Variants in SSR2 observed in about 807,000 individuals in gnomAD.
SSR2 encodes the protein translocon-associated protein subunit beta.
SSR2 carries 16 observed loss-of-function variants against 22.6 expected under a neutral mutation model. The observed-to-expected ratio is 0.71, with a 90% CI of 0.48 to 1.08. The LOEUF (loss-of-function observed/expected upper bound fraction) is 1.08, where lower values mean the gene tolerates loss of function less well. SSR2 is among the 50% of genes least tolerant of loss of function. The pLI, the probability that SSR2 is intolerant of heterozygous loss-of-function variation, is 0.00. For missense variants in SSR2, 171 were observed against 221.6 expected, an observed-to-expected ratio of 0.77 and a Z score of 1.45; for synonymous variants, 83 against 91.2, an observed-to-expected ratio of 0.91 and a Z score of 0.51.
intron 1 of SSR2, 92 bp from the exon 2 acceptor site, chr1:156,020,259 A>G (rs1220735886): frequency 2.2e-6 from 3 of 1,392,256 alleles, no homozygotes; most frequent in Non-Finnish European, 3.0e-6. Flanking sequence ...AGCTCCTTCG[A>G]TGCTACCAGA....
Position 156,018,505 on chromosome 1 carries a change from C to T in SSR2, c.156-137G>A, listed in dbSNP as rs1056290562. The T allele has an allele frequency of 1.9e-5, 10 of 522,894 alleles. No homozygotes were observed. The East Asian group carries it at 2.3e-4, about 12-fold the overall frequency. The allele number at this position is 522,894 out of a possible 1,614,324, so 32.4% of individuals were successfully genotyped here. ...GGCAGATCACCTGAGGTCAGGAGTTCGAGACCAGCCTGGCCAACATGGTGA... is the reference window on the plus strand; with the variant it reads ...GGCAGATCACCTGAGGTCAGGAGTTTGAGACCAGCCTGGCCAACATGGTGA... On this transcript the variant is annotated intron_variant, in intron 2 of 5. Transcript: ENST00000295702.
At chr1:156,009,724 C>A in intron 5 of SSR2, 74 bp from the exon 6 acceptor site, 1 of 999,580 alleles carries the variant, frequency 1.0e-6, no homozygotes, top group Non-Finnish European at 1.5e-6. Context: ...AATATGAGTC[C>A]AATGAGAAAG....
intron 3 of SSR2, among the ~76,000 whole-genome samples, chr1:156,015,536 ATATATATAT>A (rs1366845044): frequency 1.0e-3 from 34 of 33,012 alleles, no homozygotes; most frequent in African/African-American, 3.4e-3. Flanking sequence ...AAAAAAAAAA[ATATATATAT>A]ATATATATAT....
chr1:156,015,280 T>C lies in SSR2; in HGVS notation c.255-211A>G, dbSNP rs111342657. On this transcript the variant is annotated intron_variant, in intron 3 of 5. Transcript: ENST00000295702. ...TAGCACTTTGGGAGGCCGAGGCGGG[T>C]GGATTGGCTGAGTTCAGGAGTTCGA... is the stretch of plus-strand genomic sequence containing the variant. Among the ~76,000 whole-genome samples, 1,464 of 150,698 alleles carry C rather than the reference T, an allele frequency of 9.7e-3. 28 individuals carry two copies. The highest frequency in any genetic ancestry group is 0.034 in the African/African-American group (1,403 of 41,002).
intron 4 of SSR2, chr1:156,012,513 T>A (rs1200802241): frequency 2.2e-6 from 1 of 455,382 alleles, no homozygotes; most frequent in South Asian, 1.6e-5. Context: ...TTTGATTTTA[T>A]GTCTATTAAC....
chr1:156,014,120 T>G (rs1190027827), intron 4 of SSR2: 1 of 152,212 alleles, frequency 6.6e-6, no homozygotes, highest in Non-Finnish European at 1.5e-5. Context: ...TCCATCACCT[T>G]AAACATTTAT....
At chr1:156,009,741 G>A (rs1682953741) in intron 5 of SSR2, 91 bp from the exon 6 acceptor site, 1 of 789,066 alleles carries the variant, frequency 1.3e-6, no homozygotes, top group East Asian at 2.8e-5. Flanking sequence ...AAAGGGAGCA[G>A]TCTAGCCCAA....
In SSR2 at chr1:156,020,905, C is replaced by A. The variant is rs1238707114; in HGVS notation, c.-18G>T. The A allele has an allele frequency of 2.1e-6, 1 of 471,336 alleles. No homozygotes were observed. 29.2% of individuals were successfully genotyped at this position (471,336 alleles called of 1,614,324 possible). A position where few individuals can be genotyped will look rare whatever the true frequency, so the allele number is the denominator to read the frequency against. ...GGACTTACCGTTGGCATCCCAAACGCCTTTCCGGAGCCACAAAGACAGGAA... is the reference window on the plus strand; with the variant it reads ...GGACTTACCGTTGGCATCCCAAACGACTTTCCGGAGCCACAAAGACAGGAA... On this transcript the variant is annotated 5_prime_UTR_variant, in exon 1 of 6. Coordinates refer to ENST00000295702, the MANE Select transcript of SSR2 (RefSeq NM_003145.4).
intron 3 of SSR2, among the ~76,000 whole-genome samples, chr1:156,015,455 G>A (rs976267781): frequency 7.9e-6 from 1 of 126,216 alleles, no homozygotes; most frequent in Admixed American, 9.2e-5. Context: ...TGAGTGAGCC[G>A]AGATTGTGCC....
Position 156,011,831 on chromosome 1 carries a change from G to C in SSR2, c.420C>G (p.Asp140Glu), listed in dbSNP as rs764834010. Reference sequence around the variant, plus strand: ...TTACAAAATGAGGGGAGAATCGCCTGTCAAACTCCCGCTGAGCCAGGATTC... The same window carrying C: ...TTACAAAATGAGGGGAGAATCGCCTCTCAAACTCCCGCTGAGCCAGGATTC... The part of the protein sequence containing the change: ...QGGILAQREF[D>E]RRFSPHFLDW... Residue 140 changes from aspartate (D) to glutamate (E), a missense_variant, in exon 5 of 6, where the codon GAC becomes GAG. Transcript: ENST00000295702. 6.2e-7 allele frequency: 1 copy of C among 1,613,944 alleles called. No individual in the cohort carries two copies.
At chr1:156,017,739 G>GATTTTTTT in intron 3 of SSR2, among the ~76,000 whole-genome samples, 1 of 61,886 alleles carries the variant, frequency 1.6e-5, no homozygotes, top group African/African-American at 6.8e-5. Context: ...TATGTTTCAG[G>GATTTTTTT]TTTTTTTTTT....
Position 156,020,921 on chromosome 1 carries a change from A to G in SSR2, c.-34T>C. ...TCCCAAACGCCTTTCCGGAGCCACA[A>G]AGACAGGAAGAGAGCGTCAGCATCC... is the stretch of plus-strand genomic sequence containing the variant. On this transcript the variant is annotated 5_prime_UTR_variant, in exon 1 of 6. Coordinates refer to ENST00000295702, the MANE Select transcript of SSR2 (RefSeq NM_003145.4). 1 of 471,218 alleles carries G rather than the reference A, an allele frequency of 2.1e-6. No individual in the cohort carries two copies. Among genetic ancestry groups the G allele is most frequent in the Non-Finnish European group, 4.4e-6 (1 of 226,954 alleles). The allele number at this position is 471,218 out of a possible 1,614,324, so 29.2% of individuals were successfully genotyped here.
chr1:156,012,466 A>G (rs1682991387), intron 4 of SSR2: 1 of 452,130 alleles, frequency 2.2e-6, no homozygotes, highest in Non-Finnish European at 4.5e-6. Context: ...TTTGGAGCAC[A>G]CTGCAAACAA....
intron 2 of SSR2, 140 bp downstream of exon 2, chr1:156,019,873 G>T: frequency 1.2e-6 from 1 of 844,770 alleles, no homozygotes; most frequent in Non-Finnish European, 1.7e-6. Flanking sequence ...AGATCCCGAA[G>T]TGTATTCATT....
intron 2 of SSR2, 65 bp from the exon 3 acceptor site, chr1:156,018,433 G>T: frequency 7.2e-7 from 1 of 1,381,254 alleles, no homozygotes. Context: ...CAGGCCGGGC[G>T]CCGTGGCTCA....
At position 156,018,332 on chromosome 1, in the gene SSR2, G is replaced by A. The variant is rs775456952; in HGVS notation, c.192C>T (p.Phe64=). 6.2e-6 allele frequency: 10 copies of A among 1,613,710 alleles called. 1 individual carries two copies. The South Asian group carries it at 1.1e-4, about 18-fold the overall frequency. ...ACACAATGCCAAAGTCTTCTGGAGG[G>A]AAGGAATCATCAGATAGTTCCACGT... is the stretch of plus-strand genomic sequence containing the variant. ...ALDVELSDDS[F]PPEDFGIVSG... Residue 64 remains phenylalanine (F), a synonymous_variant, in exon 3 of 6, where the codon TTC becomes TTT. Transcript: ENST00000295702.
intron 5 of SSR2, 146 bp from the exon 6 acceptor site, chr1:156,009,796 C>A (rs1032293120): frequency 3.5e-6 from 2 of 568,148 alleles, no homozygotes; most frequent in Non-Finnish European, 6.0e-6. Flanking sequence ...TTTTTTGAGA[C>A]GGAGTCTCGC....
intron 2 of SSR2, 143 bp from the exon 3 acceptor site, chr1:156,018,511 C>A: frequency 2.0e-6 from 1 of 509,922 alleles, no homozygotes; most frequent in Non-Finnish European, 3.6e-6. Flanking sequence ...AGTTCGAGAC[C>A]AGCCTGGCCA....
At chr1:156,019,665 G>C (rs1308513159) in intron 2 of SSR2, among the ~76,000 whole-genome samples, 1 of 152,166 alleles carries the variant, frequency 6.6e-6, no homozygotes. Flanking sequence ...GATTACAGGC[G>C]TGAGCTACCA....
Sources: allele counts gnomAD v4.1 joint callset (sites outside exome capture counted in the v4.1 genomes callset), GRCh38; gene constraint gnomAD v4.1.1; transcripts MANE v1.5; gene names NCBI Gene and HGNC (gene_info 2026-07-23, HGNC 2026-07-21).